GRM1: variants seen among roughly 807,000 people sequenced by gnomAD.
GRM1 encodes metabotropic glutamate receptor 1.
A neutral mutation model predicts 90.9 loss-of-function variants in GRM1; 33 were observed. The observed-to-expected ratio is 0.36, with a 90% CI of 0.28 to 0.49. The LOEUF (loss-of-function observed/expected upper bound fraction) is 0.49. GRM1 is among the 20% of genes least tolerant of loss of function. The pLI, the probability that GRM1 is intolerant of heterozygous loss-of-function variation, is 0.99. For missense variants in GRM1, 1,190 were observed against 1,534.3 expected, an observed-to-expected ratio of 0.78 and a Z score of 3.75; for synonymous variants, 700 against 613.2, an observed-to-expected ratio of 1.14 and a Z score of -2.09.
At chr6:146,257,038 T>G in intron 2 of GRM1, among the ~76,000 whole-genome samples, 1 of 152,184 alleles carries the variant, frequency 6.6e-6, no homozygotes, top group Non-Finnish European at 1.5e-5. Flanking sequence ...ACCTAAAGAA[T>G]AGTCTCTCAT....
chr6:146,267,680 G>C (rs11155461), intron 2 of GRM1, among the ~76,000 whole-genome samples: 1,224 of 90,718 alleles, frequency 0.013, 8 homozygotes, highest in Middle Eastern at 0.023. Context: ...GGGCTGGGCT[G>C]GGCTCGGCTC....
At chr6:146,074,160 A>G (rs1776106613) in intron 1 of GRM1, among the ~76,000 whole-genome samples, 1 of 152,074 alleles carries the variant, frequency 6.6e-6, no homozygotes, top group African/African-American at 2.4e-5. Context: ...AATGTACCAA[A>G]TGTTGATGGA....
chr6:146,318,396 T>A (rs998717649), intron 3 of GRM1, among the ~76,000 whole-genome samples: 2 of 152,218 alleles, frequency 1.3e-5, no homozygotes, highest in African/African-American at 4.8e-5. Context: ...CTTTATCCAG[T>A]CTATCATTGA....
Position 146,424,954 on chromosome 6 carries a change from A to T in GRM1, c.2661-8918A>T, listed in dbSNP as rs576530942. ...TTGTTTTAATGATCTTTTGATTTCG[A>T]GTAGGCATCTTGAATGTCAGGGGCA... On this transcript the variant is annotated intron_variant, in intron 7 of 7. Transcript: ENST00000282753. Among the ~76,000 whole-genome samples the T allele has an allele frequency of 2.2e-4, 33 of 152,246 alleles. No homozygotes were observed. The South Asian group carries it at 5.6e-3, about 26-fold the overall frequency.
intron 2 of GRM1, among the ~76,000 whole-genome samples, chr6:146,169,817 A>G (rs146020472): frequency 1.3e-5 from 2 of 152,270 alleles, no homozygotes; most frequent in African/African-American, 4.8e-5. Flanking sequence ...TTCGTGTTCT[A>G]GTTGTTGAAG....
At chr6:146,261,334 C>T (rs1781688287) in intron 2 of GRM1, among the ~76,000 whole-genome samples, 1 of 152,022 alleles carries the variant, frequency 6.6e-6, no homozygotes, top group Non-Finnish European at 1.5e-5. Flanking sequence ...GGAGGGTAGG[C>T]TGAAGTACCC....
intron 3 of GRM1, among the ~76,000 whole-genome samples, chr6:146,348,904 T>C (rs1379516315): frequency 6.6e-6 from 1 of 152,150 alleles, no homozygotes; most frequent in Non-Finnish European, 1.5e-5. Flanking sequence ...GAACAAGGAG[T>C]GAGGAGGCAT....
At chr6:146,187,881 C>CA (rs1011915542) in intron 2 of GRM1, among the ~76,000 whole-genome samples, 10 of 152,036 alleles carry the variant, frequency 6.6e-5, no homozygotes, top group African/African-American at 2.2e-4. Flanking sequence ...AACAACCAGG[C>CA]AAATGCAGCA....
At chr6:146,414,930 T>C (rs996690227) in intron 7 of GRM1, among the ~76,000 whole-genome samples, 1 of 148,368 alleles carries the variant, frequency 6.7e-6, no homozygotes, top group Non-Finnish European at 1.5e-5. Context: ...TTCTCCTGTG[T>C]TTTTTCTAGG....
intron 3 of GRM1, among the ~76,000 whole-genome samples, chr6:146,335,956 C>T (rs534342270): frequency 2.0e-5 from 3 of 152,124 alleles, no homozygotes; most frequent in Admixed American, 2.0e-4. Flanking sequence ...AGGGCAGTTC[C>T]CCTGCACATG....
chr6:146,433,730 G>A, intron 7 of GRM1, 142 bp from the exon 8 acceptor site: 1 of 679,560 alleles, frequency 1.5e-6, no homozygotes, highest in East Asian at 2.7e-5. Context: ...TTTGTAAGAG[G>A]AGGTATGGGG....
At chr6:146,373,101 A>G (rs182708092) in intron 5 of GRM1, among the ~76,000 whole-genome samples, 42 of 152,222 alleles carry the variant, frequency 2.8e-4, no homozygotes, top group Admixed American at 6.5e-4. Context: ...CAATTAACAT[A>G]AAAATTTTTC....
chr6:146,405,991 A>T (rs932028453), intron 7 of GRM1, among the ~76,000 whole-genome samples: 3 of 152,228 alleles, frequency 2.0e-5, no homozygotes, highest in African/African-American at 7.2e-5. Flanking sequence ...ATACTGCAAT[A>T]AGTTGAGGAG....
At chr6:146,308,174 G>T (rs147843743) in intron 3 of GRM1, among the ~76,000 whole-genome samples, 1 of 152,170 alleles carries the variant, frequency 6.6e-6, no homozygotes, top group Non-Finnish European at 1.5e-5. Context: ...CATAGAAGCT[G>T]ATAGGGTGTA....
At chr6:146,365,076 G>T (rs1248076515) in intron 5 of GRM1, 1 of 152,028 alleles carries the variant, frequency 6.6e-6, no homozygotes, top group Non-Finnish European at 1.5e-5. Context: ...CTGCAAAATG[G>T]CAAGTTCTGA....
At position 146,134,855 on chromosome 6, in the gene GRM1, C is replaced by T. The variant is rs369996020; in HGVS notation, c.701-24493C>T. Among the ~76,000 whole-genome samples, 79 of 152,156 alleles carry T rather than the reference C, an allele frequency of 5.2e-4. No individual in the cohort carries two copies. In the South Asian group the frequency reaches 6.0e-3, roughly 12 times the overall value. ...CTGAGGCAGGAGAATGGCGGGAACC[C>T]GGGAGGCAGAGCTTGCAGTGAGCCA... On this transcript the variant is annotated intron_variant, in intron 1 of 7. Transcript: ENST00000282753.
chr6:146,409,962 G>T (rs1385467708), intron 7 of GRM1, among the ~76,000 whole-genome samples: 4 of 152,108 alleles, frequency 2.6e-5, no homozygotes, highest in Non-Finnish European at 2.9e-5. Flanking sequence ...AAATTTTCCA[G>T]TTATAAAAAT....
Position 146,043,796 on chromosome 6 carries a change from T to TATATATATAGATAG in GRM1, c.700+13588_700+13589insGATAGATATATATA, listed in dbSNP as rs1554260530. Among the ~76,000 whole-genome samples the TATATATATAGATAG allele has an allele frequency of 1.5e-4, 21 of 137,942 alleles. No homozygotes were observed. The East Asian group carries it at 2.5e-3, about 16-fold the overall frequency. 90.5% of individuals were successfully genotyped at this position (137,942 alleles called of 152,430 possible). A position where few individuals can be genotyped will look rare whatever the true frequency, so the allele number is the denominator to read the frequency against. On this transcript the variant is annotated intron_variant, in intron 1 of 7. Transcript: ENST00000282753. ...AAGAGTCAGGTGATATATATATATA[T>TATATATATAGATAG]ATATATATATATATAAAGGGAAGTG...
intron 3 of GRM1, among the ~76,000 whole-genome samples, chr6:146,326,649 T>G (rs573351415): frequency 6.6e-6 from 1 of 152,086 alleles, no homozygotes; most frequent in Non-Finnish European, 1.5e-5. Context: ...AAGTAGAAAG[T>G]AAATCAAAAT....
Sources: allele counts gnomAD v4.1 joint callset (sites outside exome capture counted in the v4.1 genomes callset), GRCh38; gene constraint gnomAD v4.1.1; transcripts MANE v1.5; gene names NCBI Gene and HGNC (gene_info 2026-07-23, HGNC 2026-07-21).